The following RAD51B variants were observed in gnomAD, a reference collection of about 807,000 sequenced individuals.
RAD51B encodes DNA repair protein RAD51 homolog 2.
A neutral mutation model predicts 42.2 loss-of-function variants in RAD51B; 38 were observed. The observed-to-expected ratio is 0.90, with a 90% CI of 0.70 to 1.18. RAD51B has a LOEUF of 1.18. RAD51B is among the 50% of genes most tolerant of loss of function. The pLI is 0.00. For synonymous variants in RAD51B, 154 were observed against 145.2 expected (o/e 1.06, Z -0.43); for missense variants, 373 against 400.7 (o/e 0.93, Z 0.59).
intron 7 of RAD51B, among the ~76,000 whole-genome samples, chr14:67,935,040 G>A (rs1336001572): frequency 6.6e-6 from 1 of 152,196 alleles, no homozygotes; most frequent in East Asian, 1.9e-4. Context: ...TTTTATGGTA[G>A]GGTCTGTTTC....
At chr14:68,579,669 C>T (rs1196420447) in intron 10 of RAD51B, among the ~76,000 whole-genome samples, 1 of 152,174 alleles carries the variant, frequency 6.6e-6, no homozygotes, top group African/African-American at 2.4e-5. Flanking sequence ...TTGCATGTTT[C>T]CTAAACACAC....
intron 10 of RAD51B, among the ~76,000 whole-genome samples, chr14:68,491,053 A>C (rs1884031625): frequency 6.6e-6 from 1 of 152,182 alleles, no homozygotes; most frequent in Non-Finnish European, 1.5e-5. Context: ...AGATAGAGAA[A>C]GGGAAAACAT....
intron 8 of RAD51B, among the ~76,000 whole-genome samples, chr14:68,307,330 G>A (rs2081887929): frequency 6.6e-6 from 1 of 152,124 alleles, no homozygotes; most frequent in Non-Finnish European, 1.5e-5. Flanking sequence ...TTAATTATAT[G>A]TCAGAGAAAA....
chr14:67,963,627 A>C (rs1262827160), intron 7 of RAD51B, among the ~76,000 whole-genome samples: 1 of 152,024 alleles, frequency 6.6e-6, no homozygotes, highest in African/African-American at 2.4e-5. Context: ...TCCTGATCTC[A>C]GTTTCTTCAT....
At chr14:68,199,859 G>A (rs1224219384) in intron 7 of RAD51B, among the ~76,000 whole-genome samples, 1 of 152,158 alleles carries the variant, frequency 6.6e-6, no homozygotes, top group Non-Finnish European at 1.5e-5. Flanking sequence ...TTGCACTGTA[G>A]CGTTGTCTGG....
At chr14:68,555,914 A>T (rs986006200) in intron 10 of RAD51B, among the ~76,000 whole-genome samples, 2 of 152,144 alleles carry the variant, frequency 1.3e-5, no homozygotes, top group Non-Finnish European at 2.9e-5. Context: ...TTTCCCTGTG[A>T]TACCTGCTTC....
chr14:68,147,916 C>T (rs1198314308), intron 7 of RAD51B, among the ~76,000 whole-genome samples: 1 of 152,090 alleles, frequency 6.6e-6, no homozygotes, highest in Non-Finnish European at 1.5e-5. Context: ...CATCACCACA[C>T]TCAAGATAAT....
intron 7 of RAD51B, among the ~76,000 whole-genome samples, chr14:68,005,045 GTTTTTTTT>G (rs753867497): frequency 3.8e-5 from 3 of 79,504 alleles, no homozygotes; most frequent in African/African-American, 1.6e-4. Context: ...GTGTGTGTGT[GTTTTTTTT>G]TTTTTTTTTT....
intron 7 of RAD51B, among the ~76,000 whole-genome samples, chr14:68,006,249 T>C (rs1864698283): frequency 6.6e-6 from 1 of 152,218 alleles, no homozygotes; most frequent in South Asian, 2.1e-4. Flanking sequence ...GTTCTTTATA[T>C]ATTATAAATA....
rs139908963 is a variant in RAD51B at position 67,862,325 on chromosome 14, A to T, written c.316-2678A>T. Among the ~76,000 whole-genome samples, 475 of 152,052 alleles carry T rather than the reference A, an allele frequency of 3.1e-3. 3 individuals carry two copies. Among genetic ancestry groups the T allele is most frequent in the African/African-American group, 0.011 (462 of 41,476 alleles). On this transcript the variant is annotated intron_variant, in intron 4 of 10. Coordinates refer to ENST00000471583, the MANE Select transcript of RAD51B (RefSeq NM_133510.4). ...CATGATACATATCTGGTGGCAAATG[A>T]GTATCGTGGTAGAAATTCATCAAAC...
chr14:68,652,121 C>A (rs767892849), intron 11 of RAD51B, among the ~76,000 whole-genome samples: 2 of 152,046 alleles, frequency 1.3e-5, no homozygotes, highest in Non-Finnish European at 2.9e-5. Context: ...CTGTTCCTTT[C>A]TTATAATTCA....
intron 9 of RAD51B, among the ~76,000 whole-genome samples, chr14:68,450,206 CTTTTTTTTTTTTTTTT>C (rs67536658): frequency 2.1e-5 from 1 of 47,906 alleles, no homozygotes. Context: ...GAGCTTAGGG[CTTTTTTTTTTTTTTTT>C]TTTTTTTTTT....
intron 10 of RAD51B, among the ~76,000 whole-genome samples, chr14:68,554,572 C>A (rs1451442691): frequency 1.3e-5 from 2 of 152,316 alleles, no homozygotes; most frequent in East Asian, 3.9e-4. Context: ...TTAATGGCAA[C>A]CCCCGCCCCA....
At chr14:67,872,039 G>GCCCT (rs1414500202) in intron 5 of RAD51B, among the ~76,000 whole-genome samples, 1 of 147,208 alleles carries the variant, frequency 6.8e-6, no homozygotes, top group African/African-American at 2.5e-5. Context: ...AGACAGGGAT[G>GCCCT]CCCTCTCTCA....
intron 5 of RAD51B, among the ~76,000 whole-genome samples, chr14:67,868,135 G>A (rs1038843865): frequency 1.4e-4 from 21 of 152,304 alleles, no homozygotes; most frequent in Admixed American, 2.6e-4. Flanking sequence ...CATGAGCGAC[G>A]CAGAAGATGG....
rs569155516 is a variant in RAD51B, at chr14:68,198,265, T to G, written c.757-93619T>G. Among the ~76,000 whole-genome samples, 4 of 152,320 alleles carry G rather than the reference T, an allele frequency of 2.6e-5. No individual in the cohort carries two copies. The South Asian group carries it at 8.3e-4, about 32-fold the overall frequency. On this transcript the variant is annotated intron_variant, in intron 7 of 10. Coordinates refer to ENST00000471583, the MANE Select transcript of RAD51B (RefSeq NM_133510.4). Reference sequence around the variant, plus strand: ...TATCAATTTACTGCATATGCTTTACTCTAACTGGACTCTCCATTTCGTTCC... The same window carrying G: ...TATCAATTTACTGCATATGCTTTACGCTAACTGGACTCTCCATTTCGTTCC...
chr14:68,356,413 C>T (rs1442037998), intron 8 of RAD51B, among the ~76,000 whole-genome samples: 3 of 120,408 alleles, frequency 2.5e-5, no homozygotes, highest in Admixed American at 1.1e-4. Flanking sequence ...CCAACCTGGG[C>T]GACAGAGCGA....
rs557977668 is a variant in RAD51B, at chr14:67,983,727, T to G, written c.756+96523T>G. On this transcript the variant is annotated intron_variant, in intron 7 of 10. Coordinates refer to ENST00000471583, the MANE Select transcript of RAD51B (RefSeq NM_133510.4). ...ATTTTTATTTGTAGCAACAAGCACA[T>G]TAACCATTTGATTTTTTTTATATTT... Among the ~76,000 whole-genome samples, 514 of 152,308 alleles carry G rather than the reference T, an allele frequency of 3.4e-3. 6 individuals carry two copies. The highest frequency in any genetic ancestry group is 0.012 in the African/African-American group (483 of 41,556).
At chr14:68,584,078 C>T (rs567082709) in intron 10 of RAD51B, among the ~76,000 whole-genome samples, 38 of 152,276 alleles carry the variant, frequency 2.5e-4, no homozygotes, top group African/African-American at 8.9e-4. Flanking sequence ...CCCCCCACCC[C>T]CCATGCTGGG....
Sources: gnomAD v4.1 joint callset for allele counts (sites outside exome capture counted in the v4.1 genomes callset) on GRCh38, gnomAD v4.1.1 for gene constraint, MANE v1.5 for transcripts, NCBI Gene and HGNC (gene_info 2026-07-23, HGNC 2026-07-21) for gene names.